The following VWA8 variants were observed in gnomAD, a reference collection of about 807,000 sequenced individuals.
VWA8 encodes the protein von Willebrand factor A domain-containing protein 8.
A neutral mutation model predicts 241.5 loss-of-function variants in VWA8; 221 were observed. That is an observed-to-expected ratio of 0.91 (90% CI 0.82 to 1.02). VWA8 has a LOEUF of 1.02. VWA8 is among the 50% of genes least tolerant of loss of function. The pLI is 0.00. For missense variants in VWA8, 2,322 were observed against 2,328.7 expected (o/e 1.00, Z 0.06); for synonymous variants, 852 against 827.1 (o/e 1.03, Z -0.52).
intron 18 of VWA8, 53 bp from the exon 19 acceptor site, chr13:41,783,954 G>A: frequency 1.9e-5 from 26 of 1,379,010 alleles, no homozygotes; most frequent in Non-Finnish European, 2.7e-5. Flanking sequence ...CCTCAGAGAT[G>A]CCAAGCCACC....
intron 4 of VWA8, 130 bp downstream of exon 4, chr13:41,907,456 A>T: frequency 1.6e-6 from 1 of 613,274 alleles, no homozygotes; most frequent in Non-Finnish European, 2.6e-6. Context: ...AATCTAAATT[A>T]AATCTGTCTA....
At chr13:41,919,062 C>T (rs115585895) in intron 2 of VWA8, among the ~76,000 whole-genome samples, 1 of 151,938 alleles carries the variant, frequency 6.6e-6, no homozygotes, top group South Asian at 2.1e-4. Flanking sequence ...AAAAACCAAG[C>T]CAAACAAATG....
chr13:41,944,086 C>G (rs1877727693), intron 2 of VWA8, among the ~76,000 whole-genome samples: 1 of 150,534 alleles, frequency 6.6e-6, no homozygotes, highest in South Asian at 2.1e-4. Context: ...GCCTGGGCGA[C>G]AGAGCAAGAC....
intron 5 of VWA8, among the ~76,000 whole-genome samples, chr13:41,890,507 C>A (rs1483758742): frequency 1.3e-5 from 2 of 152,220 alleles, no homozygotes; most frequent in Non-Finnish European, 1.5e-5. Flanking sequence ...ATCTCCCAAG[C>A]CTCTGAAGAG....
At chr13:41,607,615 C>A (rs1358360708) in intron 39 of VWA8, among the ~76,000 whole-genome samples, 2 of 151,974 alleles carry the variant, frequency 1.3e-5, no homozygotes, top group Non-Finnish European at 2.9e-5. Context: ...TGATTAGAAA[C>A]AAATGTAGAC....
At chr13:41,750,085 A>C (rs1056143347) in intron 21 of VWA8, among the ~76,000 whole-genome samples, 1 of 152,070 alleles carries the variant, frequency 6.6e-6, no homozygotes, top group Admixed American at 6.6e-5. Context: ...CCTCTTACGG[A>C]TCTGGGCAAA....
At chr13:41,605,328 G>A (rs1425829696) in intron 39 of VWA8, 52 bp from the exon 40 acceptor site, 4 of 1,568,046 alleles carry the variant, frequency 2.6e-6, no homozygotes, top group African/African-American at 2.7e-5. Context: ...GTATATGTGG[G>A]TTTTTACTTC....
intron 39 of VWA8, 71 bp from the exon 40 acceptor site, chr13:41,605,347 T>G: frequency 1.4e-6 from 2 of 1,464,852 alleles, no homozygotes; most frequent in South Asian, 2.3e-5. Flanking sequence ...TCCATTCGCC[T>G]CCTGCTGGAA....
intron 21 of VWA8, among the ~76,000 whole-genome samples, chr13:41,747,273 T>C (rs529196662): frequency 1.3e-3 from 204 of 152,354 alleles, no homozygotes; most frequent in African/African-American, 4.6e-3. Context: ...TTTTATTTCA[T>C]TGAGCAGTGG....
intron 35 of VWA8, among the ~76,000 whole-genome samples, chr13:41,682,101 A>G (rs1017370613): frequency 2.0e-5 from 3 of 152,236 alleles, no homozygotes; most frequent in African/African-American, 7.2e-5. Flanking sequence ...TACCTGGGTC[A>G]ACCAAGACTC....
At chr13:41,766,324 A>C (rs1470828300) in intron 20 of VWA8, among the ~76,000 whole-genome samples, 1 of 152,206 alleles carries the variant, frequency 6.6e-6, no homozygotes, top group Non-Finnish European at 1.5e-5. Context: ...TCAAAGGAGG[A>C]GAGAAAGAAA....
chr13:41,731,899 C>T (rs1047853158), intron 22 of VWA8, among the ~76,000 whole-genome samples, 181 bp downstream of exon 22: 6 of 152,180 alleles, frequency 3.9e-5, no homozygotes, highest in Non-Finnish European at 8.8e-5. Context: ...TCCAGAGCCA[C>T]GTAGAACTGT....
chr13:41,926,762 A>C, intron 2 of VWA8: 1 of 542,274 alleles, frequency 1.8e-6, no homozygotes, highest in East Asian at 5.0e-5. Flanking sequence ...CCAGAGAATC[A>C]GCATGGTAGA....
chr13:41,865,896 T>TC lies in VWA8; in HGVS notation c.1347+5dup. 1 of 1,614,210 alleles carries TC rather than the reference T, an allele frequency of 6.2e-7. No individual in the cohort carries two copies. The highest frequency in any genetic ancestry group is 1.1e-5 in the South Asian group (1 of 91,088). On this transcript the variant is annotated splice_donor_region_variant and intron_variant, in intron 11 of 44. Transcript: ENST00000379310. ...TAAAAGTCTGCAGTGAGACTGTCAT[T>TC]CTTACCTTTCCTCCAATTAAACATA...
In VWA8 at chr13:41,863,455, T is replaced by TATATATTCA. The variant is rs1566485517; in HGVS notation, c.1425+2280_1425+2281insTGAATATAT. On this transcript the variant is annotated intron_variant, in intron 12 of 44. Coordinates refer to ENST00000379310, the MANE Select transcript of VWA8 (RefSeq NM_015058.2). ...TGTGTATATATATATATATATATAT[T>TATATATTCA]CACACACACACACACACTATATATA... Among the ~76,000 whole-genome samples the TATATATTCA allele has an allele frequency of 6.2e-4, 54 of 87,084 alleles. 1 individual carries two copies. Among genetic ancestry groups the TATATATTCA allele is most frequent in the Middle Eastern group, 6.0e-3 (1 of 166 alleles). The allele number at this position is 87,084 out of a possible 152,430, so 57.1% of individuals were successfully genotyped here.
chr13:41,936,951 T>A (rs1877379272), intron 2 of VWA8, among the ~76,000 whole-genome samples: 1 of 152,188 alleles, frequency 6.6e-6, no homozygotes, highest in Admixed American at 6.5e-5. Context: ...AATTGAAGCA[T>A]TCCTATCACC....
At chr13:41,915,179 C>T (rs1382286280) in intron 2 of VWA8, among the ~76,000 whole-genome samples, 2 of 152,142 alleles carry the variant, frequency 1.3e-5, no homozygotes, top group Non-Finnish European at 2.9e-5. Context: ...AAGAGAAAAG[C>T]ATGGAGTTAT....
chr13:41,880,422 C>T (rs942874329), intron 9 of VWA8, among the ~76,000 whole-genome samples: 3 of 152,158 alleles, frequency 2.0e-5, no homozygotes, highest in South Asian at 4.1e-4. Context: ...CCAGTATAAT[C>T]ACCACATAAG....
intron 37 of VWA8, among the ~76,000 whole-genome samples, chr13:41,658,319 A>G (rs965753818): frequency 6.6e-6 from 1 of 152,234 alleles, no homozygotes. Flanking sequence ...TTGACTATGC[A>G]TGTTTCTAAA....
Sources: allele counts gnomAD v4.1 joint callset (sites outside exome capture counted in the v4.1 genomes callset), GRCh38; gene constraint gnomAD v4.1.1; transcripts MANE v1.5; gene names NCBI Gene and HGNC (gene_info 2026-07-23, HGNC 2026-07-21).